The following GEMIN5 variants were observed in gnomAD, a reference collection of about 807,000 sequenced individuals.
GEMIN5 encodes gem-associated protein 5.
Under a neutral mutation model 176.9 loss-of-function variants are expected in GEMIN5, and 124 were observed. The ratio of observed to expected loss-of-function variants is 0.70; its 90% CI spans 0.61 to 0.81. The LOEUF (loss-of-function observed/expected upper bound fraction) is 0.81. Ranked by LOEUF, GEMIN5 falls within the 40% of genes least tolerant of loss-of-function variation. The pLI, the probability that GEMIN5 is intolerant of heterozygous loss-of-function variation, is 0.00. For synonymous variants in GEMIN5, 673 were observed against 665.2 expected, an observed-to-expected ratio of 1.01 and a Z score of -0.18; for missense variants, 1,843 against 1,814.6, an observed-to-expected ratio of 1.02 and a Z score of -0.28.
intron 26 of GEMIN5, among the ~76,000 whole-genome samples, chr5:154,890,627 C>T (rs1021132152): frequency 1.3e-5 from 2 of 151,992 alleles, no homozygotes; most frequent in Non-Finnish European, 2.9e-5. Flanking sequence ...CCACTACTGG[C>T]TAATTTAAAA....
chr5:154,910,103 CCTT>C (rs1763664721), intron 15 of GEMIN5, among the ~76,000 whole-genome samples: 1 of 151,932 alleles, frequency 6.6e-6, no homozygotes, highest in South Asian at 2.1e-4. Context: ...TCAGTTGTTA[CCTT>C]CTTTTTATTG....
chr5:154,888,217 C>T lies in GEMIN5; in HGVS notation c.4520G>A (p.Cys1507Tyr). 1.2e-6 allele frequency: 2 copies of T among 1,614,066 alleles called. No individual in the cohort carries two copies. The highest frequency in any genetic ancestry group is 2.2e-5 in the East Asian group (1 of 44,874). Reference protein sequence around the residue: ...KTYRRHCQTFCM With the variant: ...KTYRRHCQTFYM ...TTCAAGGTGTGTGAAAATTCACATA[C>T]AGAAGGTCTGGCAGTGTCTTCTGTA... is the stretch of plus-strand genomic sequence containing the variant. Residue 1507 changes from cysteine to tyrosine, a missense_variant, in exon 28 of 28, where the codon TGT (cysteine) becomes TAT (tyrosine). Cys to Tyr is a radical substitution (Grantham distance 194). Transcript: ENST00000285873.
chr5:154,918,862 GGTGAAACCC>G (rs1052955121), intron 11 of GEMIN5, among the ~76,000 whole-genome samples: 3 of 151,860 alleles, frequency 2.0e-5, no homozygotes, highest in Non-Finnish European at 4.4e-5. Context: ...TGGCCAACAT[GGTGAAACCC>G]TGTCTCTACT....
intron 5 of GEMIN5, 24 bp downstream of exon 5, chr5:154,931,434 T>A (rs2113512281): frequency 6.3e-7 from 1 of 1,593,502 alleles, no homozygotes; most frequent in Non-Finnish European, 8.6e-7. Context: ...ATAGGTTACA[T>A]CACAAAAGAA....
chr5:154,927,335 A>G, intron 7 of GEMIN5, 50 bp downstream of exon 7: 1 of 1,283,320 alleles, frequency 7.8e-7, no homozygotes, highest in Non-Finnish European at 1.1e-6. Flanking sequence ...CATCCCACCC[A>G]AGTTGTAAAC....
Position 154,936,017 on chromosome 5 carries a change from C to T in GEMIN5, c.333G>A (p.Thr111=), listed in dbSNP as rs749650957. The change falls in exon 3 of 28, where the codon ACG becomes ACA. Residue 111 remains threonine, a synonymous_variant. Transcript: ENST00000285873. ...VVTEHALHQH[T]ISTLHWSPRV... is the part of the protein sequence containing the mutation. Reference sequence around the variant, plus strand: ...GAGGAGACCAATGTAATGTTGATATCGTATGCTTTAAAACAAAACAAAAAT... The same window carrying T: ...GAGGAGACCAATGTAATGTTGATATTGTATGCTTTAAAACAAAACAAAAAT... 1.4e-5 allele frequency: 22 copies of T among 1,582,478 alleles called. No individual in the cohort carries two copies. Among genetic ancestry groups the T allele is most frequent in the Middle Eastern group, 1.7e-4 (1 of 5,900 alleles).
intron 23 of GEMIN5, among the ~76,000 whole-genome samples, chr5:154,897,937 A>G (rs1763385525): frequency 7.4e-6 from 1 of 136,038 alleles, no homozygotes; most frequent in East Asian, 2.2e-4. Context: ...TTTTTGAGAC[A>G]GAGTCCCACT....
intron 24 of GEMIN5, among the ~76,000 whole-genome samples, chr5:154,894,136 G>A (rs1042821860): frequency 6.6e-5 from 10 of 151,914 alleles, no homozygotes; most frequent in African/African-American, 2.4e-4. Context: ...CTAGAGACAG[G>A]TTTTTGCCAT....
At chr5:154,929,054 T>C (rs1315253789) in intron 5 of GEMIN5, among the ~76,000 whole-genome samples, 1 of 151,826 alleles carries the variant, frequency 6.6e-6, no homozygotes, top group Non-Finnish European at 1.5e-5. Flanking sequence ...AAACCCTGTC[T>C]CTACTAAAAA....
Position 154,938,102 on chromosome 5 carries a change from G to C in GEMIN5, c.32C>G (p.Ser11Cys). 1 of 1,421,200 alleles carries C rather than the reference G, an allele frequency of 7.0e-7. No homozygotes were observed. The highest frequency in any genetic ancestry group is 9.2e-7 in the Non-Finnish European group (1 of 1,085,128). 88.0% of individuals were successfully genotyped at this position (1,421,200 alleles called of 1,614,324 possible). The change falls in exon 1 of 28, where the codon TCC becomes TGC. Residue 11 changes from serine to cysteine, a missense_variant. By Grantham distance (112) the Ser-to-Cys change is moderately radical. Transcript: ENST00000285873. MGQEPRTLPP[S>C]PNWYCARCSD... is the part of the protein sequence containing the mutation. The stretch of plus-strand genomic sequence containing the variant: ...GCAGCGGGCGCAGTACCAGTTGGGG[G>C]AGGGCGGCAGCGTCCGCGGCTCCTG...
intron 27 of GEMIN5, among the ~76,000 whole-genome samples, chr5:154,888,855 T>TTTTTG (rs113234818): frequency 0.97 from 144,789 of 148,828 alleles, 70,425 homozygotes; most frequent in Middle Eastern, 0.99. Flanking sequence ...AAATTCTTTT[T>TTTTTG]TTTTGTTTTG....
Position 154,911,798 on chromosome 5 carries a change from T to G in GEMIN5, c.2096A>C (p.Tyr699Ser). 1.9e-6 allele frequency: 3 copies of G among 1,613,844 alleles called. No homozygotes were observed. The highest frequency in any genetic ancestry group is 1.1e-5 in the South Asian group (1 of 91,074). ...CACACAAAAGTCATCTGCCCCTGAA[T>G]AGATGCAGTCTGGATCCAAAGGAGA... ...AWSPLDPDCI[Y>S]SGADDFCVHK... The change falls in exon 15 of 28, where the codon TAT (tyrosine) becomes TCT (serine). Residue 699 changes from tyrosine to serine, a missense_variant. Physicochemically the swap from Tyr to Ser is moderately radical, Grantham distance 144. Transcript: ENST00000285873.
Position 154,896,173 on chromosome 5 carries a change from G to A in GEMIN5, c.3516C>T (p.Thr1172=), listed in dbSNP as rs1763347518. The A allele has an allele frequency of 6.2e-7, 1 of 1,613,874 alleles. No individual in the cohort carries two copies. The highest frequency in any genetic ancestry group is 1.1e-5 in the South Asian group (1 of 91,046). ...AVWKSIFSLD[T]PEQYQEAFQK... ...GAAAGGCTTCCTGATACTGCTCAGG[G>A]GTGTCAAGGCTGAAGATGCTCTTCC... The change falls in exon 24 of 28, where the codon ACC becomes ACT. Residue 1172 remains threonine, a synonymous_variant. Transcript: ENST00000285873.
intron 5 of GEMIN5, among the ~76,000 whole-genome samples, chr5:154,929,836 A>G (rs1179629379): frequency 6.6e-6 from 1 of 152,240 alleles, no homozygotes; most frequent in African/African-American, 2.4e-5. Context: ...CTTGCTTTAC[A>G]TGCATTTGGG....
At chr5:154,935,492 TAG>T (rs1246692689) in intron 3 of GEMIN5, among the ~76,000 whole-genome samples, 3 of 152,114 alleles carry the variant, frequency 2.0e-5, no homozygotes, top group African/African-American at 4.8e-5. Context: ...CGCTCAGAAC[TAG>T]AGAGACCCAG....
At chr5:154,900,073 A>C (rs1438582596) in intron 21 of GEMIN5, among the ~76,000 whole-genome samples, 1 of 152,246 alleles carries the variant, frequency 6.6e-6, no homozygotes, top group African/African-American at 2.4e-5. Context: ...ATAAAATGCG[A>C]GTTTTCTAGC....
chr5:154,888,184 G>C lies in GEMIN5; in HGVS notation c.*26C>G. On this transcript the variant is annotated 3_prime_UTR_variant, in exon 28 of 28. Coordinates refer to ENST00000285873, the MANE Select transcript of GEMIN5 (RefSeq NM_015465.5). ...AAAGATGTCAAACATTTTCAATTTG[G>C]CAGTTTCTTCAAGGTGTGTGAAAAT... The C allele has an allele frequency of 6.2e-7, 1 of 1,607,588 alleles. No homozygotes were observed. Among genetic ancestry groups the C allele is most frequent in the Non-Finnish European group, 8.5e-7 (1 of 1,174,266 alleles).
Position 154,907,733 on chromosome 5 carries a change from A to G in GEMIN5, c.2253T>C (p.Thr751=). ...CATCAATCGATTCCAGCTTTACAGG[A>G]GTTCTCAAGGTGGGCTTTTTCTTCT... ...PKKKKKPTLR[T]PVKLESIDGN... is the part of the protein sequence containing the mutation. Residue 751 remains threonine, a synonymous_variant, in exon 16 of 28, where the codon ACT becomes ACC. Transcript: ENST00000285873. The G allele has an allele frequency of 1.2e-6, 2 of 1,614,054 alleles. No homozygotes were observed. Among genetic ancestry groups the G allele is most frequent in the African/African-American group, 1.3e-5 (1 of 75,004 alleles).
intron 3 of GEMIN5, among the ~76,000 whole-genome samples, chr5:154,934,430 G>T (rs150254240): frequency 2.0e-5 from 3 of 152,120 alleles, no homozygotes; most frequent in Non-Finnish European, 2.9e-5. Context: ...GCCCACCTCG[G>T]CCTCTCAAAG....
Sources: allele counts gnomAD v4.1 joint callset (sites outside exome capture counted in the v4.1 genomes callset), GRCh38; gene constraint gnomAD v4.1.1; transcripts MANE v1.5; gene names NCBI Gene and HGNC (gene_info 2026-07-23, HGNC 2026-07-21).